PLCB4: variants seen among roughly 807,000 people sequenced by gnomAD.
PLCB4 encodes the protein 1-phosphatidylinositol 4,5-bisphosphate phosphodiesterase beta-4.
A neutral mutation model predicts 178.8 loss-of-function variants in PLCB4; 77 were observed. The observed-to-expected ratio is 0.43, with a 90% CI of 0.36 to 0.52. The LOEUF is 0.52. Among genes scored for constraint, PLCB4 ranks in the 20% least tolerant of loss-of-function variants. The probability of loss-of-function intolerance (pLI) is 0.00; values close to 1 mark genes in which losing one functional copy is unlikely to be tolerated. For synonymous variants in PLCB4, 496 were observed against 490.8 expected (o/e 1.01, Z -0.14); for missense variants, 1,024 against 1,453.4 (o/e 0.70, Z 4.80).
intron 2 of PLCB4, among the ~76,000 whole-genome samples, chr20:9,174,993 G>C (rs185092049): frequency 6.6e-6 from 1 of 152,242 alleles, no homozygotes; most frequent in East Asian, 1.9e-4. Context: ...GGTGTAGCTA[G>C]TGAAATAAAT....
chr20:9,303,125 A>G (rs576077177), intron 3 of PLCB4, among the ~76,000 whole-genome samples: 8 of 152,034 alleles, frequency 5.3e-5, no homozygotes, highest in South Asian at 4.2e-4. Flanking sequence ...CTGTGGGTCT[A>G]TTTTTCTCTG....
intron 2 of PLCB4, among the ~76,000 whole-genome samples, chr20:9,168,296 A>G (rs1447143630): frequency 6.6e-6 from 1 of 152,210 alleles, no homozygotes; most frequent in African/African-American, 2.4e-5. Flanking sequence ...AGCATTATAG[A>G]GCAGGAGAAG....
chr20:9,272,883 AT>A (rs201282723), intron 3 of PLCB4, among the ~76,000 whole-genome samples: 5,670 of 131,684 alleles, frequency 0.043, 260 homozygotes, highest in African/African-American at 0.11. Flanking sequence ...GGTTACAGGG[AT>A]TTTTTTTTTT....
intron 4 of PLCB4, among the ~76,000 whole-genome samples, chr20:9,327,940 A>G (rs1186763371): frequency 6.6e-6 from 1 of 152,200 alleles, no homozygotes; most frequent in Non-Finnish European, 1.5e-5. Context: ...ATCTAACCAC[A>G]TTTGGATCAG....
intron 18 of PLCB4, among the ~76,000 whole-genome samples, chr20:9,394,234 T>G (rs1373434275): frequency 6.6e-6 from 1 of 152,172 alleles, no homozygotes; most frequent in Non-Finnish European, 1.5e-5. Context: ...TTGGCATGAT[T>G]ACACTTCATT....
At chr20:9,274,299 A>G (rs1012973439) in intron 3 of PLCB4, among the ~76,000 whole-genome samples, 3 of 152,036 alleles carry the variant, frequency 2.0e-5, no homozygotes, top group Non-Finnish European at 2.9e-5. Context: ...AGTTTACACT[A>G]CTTGTGGTGG....
rs578161809 is a variant in PLCB4 at position 9,158,807 on chromosome 20, A to G, written c.-78-58583A>G. On this transcript the variant is annotated intron_variant, in intron 2 of 39. Transcript: ENST00000378473. Reference sequence around the variant, plus strand: ...CAGAGAGATTTTAAAGGCATGCTCTATAGGGTTGAGACTATTTGATGCAAT... The same window carrying G: ...CAGAGAGATTTTAAAGGCATGCTCTGTAGGGTTGAGACTATTTGATGCAAT... Among the ~76,000 whole-genome samples the G allele has an allele frequency of 4.7e-4, 71 of 152,276 alleles. No homozygotes were observed. In the Middle Eastern group the frequency reaches 0.017, roughly 36 times the overall value.
At position 9,130,959 on chromosome 20, in the gene PLCB4, C is replaced by T. The variant is rs559143207; in HGVS notation, c.-79+34617C>T. 5.9e-5 allele frequency among the ~76,000 whole-genome samples: 9 copies of T among 152,300 alleles called. No homozygotes were observed. In the East Asian group the frequency reaches 7.8e-4, roughly 13 times the overall value. On this transcript the variant is annotated intron_variant, in intron 2 of 39. Coordinates refer to ENST00000378473, the MANE Select transcript of PLCB4 (RefSeq NM_001377142.1). ...CGGAGAGTTTCCTGGGAAAACAGCT[C>T]AGCCTCTCTAAGCCTCTTGCATGTC...
intron 3 of PLCB4, among the ~76,000 whole-genome samples, chr20:9,233,746 G>T (rs1416128577): frequency 6.6e-6 from 1 of 152,106 alleles, no homozygotes; most frequent in Non-Finnish European, 1.5e-5. Flanking sequence ...GGGAGCAAGT[G>T]GTAGATTAAG....
At chr20:9,176,437 A>C (rs1236705208) in intron 2 of PLCB4, among the ~76,000 whole-genome samples, 2 of 152,222 alleles carry the variant, frequency 1.3e-5, no homozygotes, top group Non-Finnish European at 2.9e-5. Context: ...AAAATGGTTG[A>C]ACTATTTTCA....
chr20:9,107,997 G>A (rs2091432195), intron 2 of PLCB4, among the ~76,000 whole-genome samples: 1 of 152,276 alleles, frequency 6.6e-6, no homozygotes, highest in African/African-American at 2.4e-5. Context: ...GAGGAAGGAA[G>A]AGGTGGTGAA....
At chr20:9,209,757 A>C (rs774057405) in intron 2 of PLCB4, among the ~76,000 whole-genome samples, 60 of 151,946 alleles carry the variant, frequency 3.9e-4, no homozygotes, top group Non-Finnish European at 4.9e-4. Context: ...TGAGCAGAAA[A>C]CCCAGAAACT....
rs7267278 is a variant in PLCB4 at position 9,427,904 on chromosome 20, G to A, written c.2524+3952G>A. Among the ~76,000 whole-genome samples the A allele has an allele frequency of 8.7e-3, 1,320 of 152,144 alleles. 9 individuals are homozygous for A. Among genetic ancestry groups the A allele is most frequent in the Middle Eastern group, 0.034 (10 of 294 alleles). Reference sequence around the variant, plus strand: ...TGAGCCTCCCAGCGCTTTGTTCCTCGGGCAGTGCTGATCATTACTTCTGCA... The same window carrying A: ...TGAGCCTCCCAGCGCTTTGTTCCTCAGGCAGTGCTGATCATTACTTCTGCA... On this transcript the variant is annotated intron_variant, in intron 28 of 39. Transcript: ENST00000378473.
At chr20:9,080,455 A>G (rs2090090568) in intron 1 of PLCB4, among the ~76,000 whole-genome samples, 1 of 152,182 alleles carries the variant, frequency 6.6e-6, no homozygotes, top group African/African-American at 2.4e-5. Context: ...CTCTGGAAAA[A>G]TCATATCACC....
At chr20:9,105,759 G>C (rs1281419967) in intron 2 of PLCB4, among the ~76,000 whole-genome samples, 3 of 151,894 alleles carry the variant, frequency 2.0e-5, no homozygotes, top group Non-Finnish European at 4.4e-5. Flanking sequence ...AAGTCTTCTG[G>C]AAAAATAAAG....
intron 13 of PLCB4, among the ~76,000 whole-genome samples, chr20:9,382,898 A>C (rs922462486): frequency 1.3e-5 from 2 of 152,224 alleles, no homozygotes; most frequent in African/African-American, 4.8e-5. Context: ...GAATGAATGA[A>C]GGTGCCCAAG....
At chr20:9,157,258 C>T (rs576759604) in intron 2 of PLCB4, among the ~76,000 whole-genome samples, 1 of 151,738 alleles carries the variant, frequency 6.6e-6, no homozygotes, top group South Asian at 2.1e-4. Flanking sequence ...ACCAACTTGC[C>T]TTTTATATTC....
intron 1 of PLCB4, among the ~76,000 whole-genome samples, chr20:9,076,033 AG>A: frequency 6.6e-6 from 1 of 152,200 alleles, no homozygotes; most frequent in Non-Finnish European, 1.5e-5. Context: ...ATTTATTTCC[AG>A]TGTACATAGA....
intron 4 of PLCB4, among the ~76,000 whole-genome samples, chr20:9,329,278 A>G (rs2031254922): frequency 6.6e-6 from 1 of 152,062 alleles, no homozygotes; most frequent in South Asian, 2.1e-4. Context: ...AAAAGAAATG[A>G]TTTGGGGGCT....
Sources: allele counts gnomAD v4.1 joint callset (sites outside exome capture counted in the v4.1 genomes callset), GRCh38; gene constraint gnomAD v4.1.1; transcripts MANE v1.5; gene names NCBI Gene and HGNC (gene_info 2026-07-23, HGNC 2026-07-21).